ABCG8: variants seen among roughly 807,000 people sequenced by gnomAD.
ABCG8 encodes the protein ATP-binding cassette sub-family G member 8.
Under a neutral mutation model 71.3 loss-of-function variants are expected in ABCG8, and 81 were observed. That is an observed-to-expected ratio of 1.14 (90% CI 0.95 to 1.37). ABCG8 has a LOEUF of 1.37. ABCG8 is among the 40% of genes most tolerant of loss of function. ABCG8 has a pLI of 0.00. For synonymous variants in ABCG8, 451 were observed against 354.7 expected (o/e 1.27, Z -3.05); for missense variants, 1,119 against 866.2 (o/e 1.29, Z -3.66).
chr2:43,857,337 T>C, intron 6 of ABCG8, among the ~76,000 whole-genome samples: 1 of 151,488 alleles, frequency 6.6e-6, no homozygotes, highest in Non-Finnish European at 1.5e-5. Context: ...ACTCTCTGGA[T>C]AGAACTCTCT....
rs751866338 is a variant in ABCG8, at chr2:43,872,070, G to T, written c.1059G>T (p.Val353=). The T allele has an allele frequency of 2.5e-6, 4 of 1,614,126 alleles. No individual in the cohort carries two copies. In the East Asian group the frequency reaches 8.9e-5, roughly 36 times the overall value. ...TCGCAGCCCTGTTTCTAGAAAAAGT[G>T]CGTGACTTAGATGACTTTCTATGGA... ...QSLAALFLEK[V]RDLDDFLWKA... The change falls in exon 7 of 13, where the codon GTG becomes GTT. Residue 353 remains valine, a synonymous_variant. Coordinates refer to ENST00000272286, the MANE Select transcript of ABCG8 (RefSeq NM_022437.3).
At position 43,852,374 on chromosome 2, in the gene ABCG8, G is replaced by A; in HGVS notation, c.582G>A (p.Glu194=). 4 of 1,612,300 alleles carry A rather than the reference G, an allele frequency of 2.5e-6. No individual in the cohort carries two copies. Among genetic ancestry groups the A allele is most frequent in the Non-Finnish European group, 3.4e-6 (4 of 1,180,034 alleles). ...RDKRVEDVIA[E]LRLRQCADTR... ...CACAGGTGGAGGACGTGATCGCGGA[G>A]CTGCGGCTTAGGCAGTGCGCTGACA... The change falls in exon 5 of 13, where the codon GAG becomes GAA. Residue 194 remains glutamate (E), a synonymous_variant. Transcript: ENST00000272286.
At chr2:43,868,934 T>A (rs1241854514) in intron 6 of ABCG8, among the ~76,000 whole-genome samples, 3 of 152,062 alleles carry the variant, frequency 2.0e-5, no homozygotes, top group Admixed American at 6.5e-5. Context: ...GATAGAACTG[T>A]CACTATCTGG....
intron 6 of ABCG8, among the ~76,000 whole-genome samples, chr2:43,854,262 C>T (rs1669024539): frequency 6.6e-6 from 1 of 152,206 alleles, no homozygotes; most frequent in Non-Finnish European, 1.5e-5. Context: ...TACAGTGCTG[C>T]ACACTAGGGG....
rs144399404 is a variant in ABCG8 at position 43,874,411 on chromosome 2, C to T, written c.1416C>T (p.Tyr472=). The change falls in exon 10 of 13, where the codon TAC becomes TAT. Residue 472 remains tyrosine (Y), a synonymous_variant. Coordinates refer to ENST00000272286, the MANE Select transcript of ABCG8 (RefSeq NM_022437.3). ...TTCCTTTCCCTTACTTTTTAGGTTA[C>T]TCAGAGAGGGCAATGCTTTACTATG... ...NVILDVISKC[Y]SERAMLYYEL... is the part of the protein sequence containing the mutation. The T allele has an allele frequency of 9.2e-5, 148 of 1,609,566 alleles. No individual in the cohort carries two copies. In the African/African-American group the frequency reaches 1.9e-3, roughly 20 times the overall value.
chr2:43,840,468 G>A (rs996056913), intron 1 of ABCG8, among the ~76,000 whole-genome samples: 1 of 152,202 alleles, frequency 6.6e-6, no homozygotes, highest in Non-Finnish European at 1.5e-5. Context: ...CGCAGGCCCT[G>A]CCATTTCTGC....
rs1212297711 is a variant in ABCG8 at position 43,873,786 on chromosome 2, G to A, written c.1212-1G>A. 6.2e-7 allele frequency: 1 copy of A among 1,614,006 alleles called. No individual in the cohort carries two copies. The highest frequency in any genetic ancestry group is 1.7e-5 in the Admixed American group (1 of 60,006). ...AGCATCTCTTCCTTTTGGTTTTTAA[G>A]TCGTCAGATTTCCAACGACTTCCGA... On this transcript the variant is annotated splice_acceptor_variant, in intron 8 of 12. Coordinates refer to ENST00000272286, the MANE Select transcript of ABCG8 (RefSeq NM_022437.3). LOFTEE classifies it high-confidence loss of function.
chr2:43,846,100 T>C, intron 2 of ABCG8, 55 bp from the exon 3 acceptor site: 1 of 1,602,940 alleles, frequency 6.2e-7, no homozygotes, highest in East Asian at 2.2e-5. Flanking sequence ...CAGAAGTTGC[T>C]GAAGCCCTCT....
In ABCG8 at chr2:43,839,079, G is replaced by T; in HGVS notation, c.26G>T (p.Arg9Ile). 1 of 1,551,220 alleles carries T rather than the reference G, an allele frequency of 6.4e-7. No homozygotes were observed. The highest frequency in any genetic ancestry group is 8.7e-7 in the Non-Finnish European group (1 of 1,146,814). The change falls in exon 1 of 13, where the codon AGA (arginine) becomes ATA (isoleucine). Residue 9 changes from arginine (R) to isoleucine (I), a missense_variant. By Grantham distance (97) the Arg-to-Ile change is moderately conservative. Coordinates refer to ENST00000272286, the MANE Select transcript of ABCG8 (RefSeq NM_022437.3). MAGKAAEE[R>I]GLPKGATPQD... ...ATGGCCGGGAAGGCGGCAGAGGAGA[G>T]AGGGCTGCCGAAAGGGGCCACTCCC...
intron 3 of ABCG8, 174 bp downstream of exon 3, chr2:43,846,485 C>A: frequency 1.1e-6 from 1 of 939,332 alleles, no homozygotes; most frequent in Non-Finnish European, 1.6e-6. Context: ...CCTGGCTCCT[C>A]CATTTGCTGG....
rs1669925188 is a variant in ABCG8, at chr2:43,875,345, G to T, written c.1688G>T (p.Ser563Ile). 1 of 1,614,044 alleles carries T rather than the reference G, an allele frequency of 6.2e-7. No homozygotes were observed. Among genetic ancestry groups the T allele is most frequent in the Admixed American group, 1.7e-5 (1 of 60,008 alleles). The change falls in exon 11 of 13, where the codon AGC (serine) becomes ATC (isoleucine). Residue 563 changes from serine (S) to isoleucine (I), a missense_variant. Transcript: ENST00000272286. ...LPTFHMASFF[S>I]NALYNSFYLA... ...ACCTTCCACATGGCCTCCTTCTTCA[G>T]CAATGCCCTCTACAACTCCTTCTAC...
At chr2:43,867,674 A>G (rs1041182698) in intron 6 of ABCG8, among the ~76,000 whole-genome samples, 7 of 150,926 alleles carry the variant, frequency 4.6e-5, no homozygotes, top group African/African-American at 1.7e-4. Flanking sequence ...TAGAACTCTC[A>G]CTATCTGTCT....
chr2:43,844,488 T>C lies in ABCG8; in HGVS notation c.64-19T>C, dbSNP rs772819615. 4.4e-5 allele frequency: 71 copies of C among 1,600,408 alleles called. No homozygotes were observed. Among genetic ancestry groups the C allele is most frequent in the Non-Finnish European group, 5.9e-5 (69 of 1,167,676 alleles). On this transcript the variant is annotated intron_variant, in intron 1 of 12. Transcript: ENST00000272286. ...CAGCAGCTTCTAAAGGAGCCCCTCATCTCTCCTGTCTCCCACAGGGCCTCC... is the reference window on the plus strand; with the variant it reads ...CAGCAGCTTCTAAAGGAGCCCCTCACCTCTCCTGTCTCCCACAGGGCCTCC...
chr2:43,873,661 G>T, intron 8 of ABCG8, 126 bp from the exon 9 acceptor site: 1 of 898,334 alleles, frequency 1.1e-6, no homozygotes, highest in South Asian at 1.4e-5. Context: ...GCCACTCTAT[G>T]AGGCAGGTAT....
At chr2:43,875,044 G>A (rs937602884) in intron 10 of ABCG8, 102 bp from the exon 11 acceptor site, 1 of 1,531,076 alleles carries the variant, frequency 6.5e-7, no homozygotes, top group Non-Finnish European at 8.9e-7. Context: ...ATCATCACCA[G>A]GAGGGAAGGT....
chr2:43,859,960 G>A (rs148591976), intron 6 of ABCG8, among the ~76,000 whole-genome samples: 93 of 150,856 alleles, frequency 6.2e-4, no homozygotes, highest in Non-Finnish European at 1.1e-3. Flanking sequence ...TCTCTGGATA[G>A]AACTCTCACT....
Position 43,880,848 on chromosome 2 carries a change from A to G in ABCG8, c.*2935A>G, listed in dbSNP as rs1010536627. The G allele has an allele frequency of 2.0e-5, 3 of 152,084 alleles. No individual in the cohort carries two copies. Among genetic ancestry groups the G allele is most frequent in the Non-Finnish European group, 4.4e-5 (3 of 68,008 alleles). The allele number at this position is 152,084 out of a possible 1,614,324, so 9.4% of individuals were successfully genotyped here. A position where few individuals can be genotyped will look rare whatever the true frequency, so the allele number is the denominator to read the frequency against. ...TCATTTGATTAACCGCCTGCAGGTA[A>G]GTAATCTCCCATCTACACTGCCACG... On this transcript the variant is annotated 3_prime_UTR_variant, in exon 13 of 13. Transcript: ENST00000272286.
At chr2:43,876,982 AC>A (rs1182196688) in intron 11 of ABCG8, among the ~76,000 whole-genome samples, 1 of 150,490 alleles carries the variant, frequency 6.6e-6, no homozygotes, top group Non-Finnish European at 1.5e-5. Flanking sequence ...ATATGGGGAG[AC>A]CATGAGAATA....
In ABCG8 at chr2:43,859,607, C is replaced by T. The variant is rs951703660; in HGVS notation, c.964+6739C>T. The stretch of plus-strand genomic sequence containing the variant: ...TCGCTATCAATCTGGATAGAATTCT[C>T]ACCCTCTGGATAGAACTCTCACTAT... On this transcript the variant is annotated intron_variant, in intron 6 of 12. Coordinates refer to ENST00000272286, the MANE Select transcript of ABCG8 (RefSeq NM_022437.3). Among the ~76,000 whole-genome samples, 2 of 150,472 alleles carry T rather than the reference C, an allele frequency of 1.3e-5. 1 individual carries two copies. Among genetic ancestry groups the T allele is most frequent in the Admixed American group, 1.3e-4 (2 of 15,162 alleles).
Sources: gnomAD v4.1 joint callset for allele counts (sites outside exome capture counted in the v4.1 genomes callset) on GRCh38, gnomAD v4.1.1 for gene constraint, MANE v1.5 for transcripts, NCBI Gene and HGNC (gene_info 2026-07-23, HGNC 2026-07-21) for gene names.